TEKT5: variants seen among roughly 807,000 people sequenced by gnomAD.
TEKT5 encodes tektin 5.
In TEKT5, 52 loss-of-function variants were observed where a neutral mutation model predicts 48.7. That is an observed-to-expected ratio of 1.07 (90% CI 0.86 to 1.35). The LOEUF is 1.35. Among genes scored for constraint, TEKT5 ranks in the 40% most tolerant of loss-of-function variants. The probability of loss-of-function intolerance (pLI) is 0.00; values close to 1 mark genes in which losing one functional copy is unlikely to be tolerated. For missense variants in TEKT5, 831 were observed against 641.6 expected, an observed-to-expected ratio of 1.30 and a Z score of -3.19; for synonymous variants, 318 against 267.6, an observed-to-expected ratio of 1.19 and a Z score of -1.84.
intron 5 of TEKT5, chr16:10,671,791 A>G (rs1269508938): frequency 6.6e-6 from 1 of 152,256 alleles, no homozygotes; most frequent in East Asian, 1.9e-4. Context: ...GGCAGCAGGC[A>G]AAAGAGAATG....
chr16:10,660,763 T>C (rs1898355966), intron 5 of TEKT5, among the ~76,000 whole-genome samples: 1 of 151,872 alleles, frequency 6.6e-6, no homozygotes, highest in South Asian at 2.1e-4. Flanking sequence ...TGCAGTGGCA[T>C]GATCTCAGCT....
intron 6 of TEKT5, among the ~76,000 whole-genome samples, chr16:10,630,841 GC>G (rs1897828343): frequency 6.6e-6 from 1 of 151,426 alleles, no homozygotes; most frequent in African/African-American, 2.4e-5. Flanking sequence ...CAACATGGTG[GC>G]AAAATGCCGT....
chr16:10,692,358 G>C (rs1403469600), intron 1 of TEKT5, among the ~76,000 whole-genome samples: 2 of 152,134 alleles, frequency 1.3e-5, no homozygotes, highest in African/African-American at 4.8e-5. Flanking sequence ...TAGAGTGATA[G>C]AAACCTATGC....
At chr16:10,662,496 G>A (rs1898390972) in intron 5 of TEKT5, among the ~76,000 whole-genome samples, 1 of 152,190 alleles carries the variant, frequency 6.6e-6, no homozygotes, top group Non-Finnish European at 1.5e-5. Flanking sequence ...ACAGCATTCT[G>A]TTCCCAAATA....
intron 6 of TEKT5, among the ~76,000 whole-genome samples, chr16:10,630,979 T>TG (rs1480309098): frequency 1.3e-5 from 2 of 151,692 alleles, no homozygotes; most frequent in East Asian, 3.9e-4. Flanking sequence ...GAGGCTGAAG[T>TG]GGCAGATCAC....
chr16:10,659,612 C>CGT (rs1898326809), intron 5 of TEKT5, among the ~76,000 whole-genome samples: 1 of 152,200 alleles, frequency 6.6e-6, no homozygotes, highest in African/African-American at 2.4e-5. Context: ...CTGCCCGCCT[C>CGT]AACCTCCCAA....
chr16:10,680,337 G>A (rs963170980), intron 4 of TEKT5, among the ~76,000 whole-genome samples: 3 of 152,270 alleles, frequency 2.0e-5, no homozygotes, highest in East Asian at 1.9e-4. Context: ...CTTCCTTCTC[G>A]CTTCCCTTCC....
At chr16:10,691,579 T>C (rs1053581080) in intron 1 of TEKT5, among the ~76,000 whole-genome samples, 1 of 151,972 alleles carries the variant, frequency 6.6e-6, no homozygotes, top group Non-Finnish European at 1.5e-5. Context: ...GGCCCTGGAA[T>C]AGAGGAAGCG....
rs952191165 is a variant in TEKT5, at chr16:10,690,767, T to C, written c.565-742A>G. 6.1e-6 allele frequency: 6 copies of C among 985,160 alleles called. No homozygotes were observed. The African/African-American group carries it at 8.7e-5, about 14-fold the overall frequency. 61.0% of individuals were successfully genotyped at this position (985,160 alleles called of 1,614,324 possible). The stretch of plus-strand genomic sequence containing the variant: ...GGGGCTTTTCAGGGGCGCTCTATGA[T>C]GGGAAGCTGACAAACAGCAGTGATT... On this transcript the variant is annotated intron_variant, in intron 1 of 6. Coordinates refer to ENST00000283025, the MANE Select transcript of TEKT5 (RefSeq NM_144674.2).
At chr16:10,677,073 C>T (rs980541780) in intron 4 of TEKT5, among the ~76,000 whole-genome samples, 2 of 152,136 alleles carry the variant, frequency 1.3e-5, no homozygotes, top group Non-Finnish European at 2.9e-5. Context: ...TGCCTGTGGT[C>T]CCAGCTACTT....
chr16:10,652,559 ACC>A (rs76733716), intron 5 of TEKT5, among the ~76,000 whole-genome samples: 103 of 117,320 alleles, frequency 8.8e-4, no homozygotes, highest in African/African-American at 2.1e-3. Flanking sequence ...ACACACACAC[ACC>A]CCCTCCAGGC....
At chr16:10,669,690 A>T (rs1898522059) in intron 5 of TEKT5, among the ~76,000 whole-genome samples, 1 of 151,978 alleles carries the variant, frequency 6.6e-6, no homozygotes, top group Admixed American at 6.6e-5. Context: ...GACCCCACAC[A>T]TCCTACCCCC....
At chr16:10,644,787 T>C (rs1388033167) in intron 5 of TEKT5, among the ~76,000 whole-genome samples, 2 of 152,190 alleles carry the variant, frequency 1.3e-5, no homozygotes, top group Non-Finnish European at 2.9e-5. Context: ...AATTTGAATT[T>C]CATATAAACA....
rs960459957 is a variant in TEKT5, at chr16:10,694,721, C to A, written c.153G>T (p.Arg51Ser). ...TGGCTATCTTGTAGAAGAGGCTAGG[C>A]CTCCATGAATTGAGGTAGCGGTACC... ...LPGYRYLNSW[R>S]PSLFYKIANV... is the part of the protein sequence containing the mutation. Residue 51 changes from arginine (R) to serine (S), a missense_variant, in exon 1 of 7, where the codon AGG becomes AGT. Transcript: ENST00000283025. The A allele has an allele frequency of 1.9e-6, 3 of 1,614,034 alleles. No individual in the cohort carries two copies. Among genetic ancestry groups the A allele is most frequent in the Non-Finnish European group, 2.5e-6 (3 of 1,179,936 alleles).
chr16:10,665,063 T>TA (rs1898435721), intron 5 of TEKT5, among the ~76,000 whole-genome samples: 1 of 152,094 alleles, frequency 6.6e-6, no homozygotes. Context: ...CTATGGGTCT[T>TA]ACCTGTCGGG....
intron 5 of TEKT5, among the ~76,000 whole-genome samples, chr16:10,667,229 C>T (rs759079107): frequency 6.6e-6 from 1 of 152,152 alleles, no homozygotes; most frequent in Non-Finnish European, 1.5e-5. Context: ...AGCTATCCTC[C>T]CACTTCAGCC....
At chr16:10,682,243 C>T in intron 3 of TEKT5, 107 bp from the exon 4 acceptor site, 1 of 1,323,560 alleles carries the variant, frequency 7.6e-7, no homozygotes, top group Non-Finnish European at 1.0e-6. Context: ...AGAAAGCCAC[C>T]CAGTAGCTTC....
Position 10,694,889 on chromosome 16 carries a change from CCA to C in TEKT5, c.-18_-17del, listed in dbSNP as rs778735141. On this transcript the variant is annotated 5_prime_UTR_variant, in exon 1 of 7. Transcript: ENST00000283025. ...GAAACTCCATCCTCCCTCATGAGCC[CCA>C]CTCGGGCAAAACTCAGCTCAAGGAG... is the stretch of plus-strand genomic sequence containing the variant. 1 of 1,526,618 alleles carries C rather than the reference CCA, an allele frequency of 6.6e-7. No individual in the cohort carries two copies. The allele number at this position is 1,526,618 out of a possible 1,614,324, so 94.6% of individuals were successfully genotyped here.
rs760121480 is a variant in TEKT5, at chr16:10,689,322, T to C, written c.650A>G (p.Glu217Gly). ...TTGGCAACATTTTAGCAAATCCACT[T>C]CCTGAAATGAAAAATGTCAGAAAGA... Reference protein sequence around the residue: ...HDNVEKNLIREVDLLKCCQEQ... With the variant: ...HDNVEKNLIRGVDLLKCCQEQ... Residue 217 changes from glutamate to glycine, a missense_variant and splice_region_variant, in exon 3 of 7, where the codon GAA (glutamate) becomes GGA (glycine). Coordinates refer to ENST00000283025, the MANE Select transcript of TEKT5 (RefSeq NM_144674.2). 3.1e-6 allele frequency: 5 copies of C among 1,612,722 alleles called. No individual in the cohort carries two copies. In the Admixed American group the frequency reaches 5.0e-5, roughly 16 times the overall value.
Sources: gnomAD v4.1 joint callset for allele counts (sites outside exome capture counted in the v4.1 genomes callset) on GRCh38, gnomAD v4.1.1 for gene constraint, MANE v1.5 for transcripts, NCBI Gene and HGNC (gene_info 2026-07-23, HGNC 2026-07-21) for gene names.